KCNN2: variants seen among roughly 807,000 people sequenced by gnomAD.
KCNN2 encodes the protein potassium calcium-activated channel subfamily N member 2.
Under a neutral mutation model 55.5 loss-of-function variants are expected in KCNN2, and 24 were observed. The observed-to-expected ratio is 0.43, with a 90% CI of 0.31 to 0.61. KCNN2 has a LOEUF of 0.61. KCNN2 is among the 20% of genes least tolerant of loss of function. KCNN2 has a pLI of 0.08. For synonymous variants in KCNN2, 431 were observed against 336.1 expected (o/e 1.28, Z -3.09); for missense variants, 754 against 853.6 (o/e 0.88, Z 1.45).
At chr5:114,085,711 G>A (rs1461792364) in intron 1 of KCNN2, among the ~76,000 whole-genome samples, 1 of 151,972 alleles carries the variant, frequency 6.6e-6, no homozygotes, top group African/African-American at 2.4e-5. Context: ...ATAATTTTGA[G>A]TTATTATTTT....
intron 1 of KCNN2, among the ~76,000 whole-genome samples, chr5:114,099,440 G>A (rs1751331132): frequency 2.0e-5 from 3 of 152,222 alleles, no homozygotes; most frequent in South Asian, 4.1e-4. Context: ...CTACATTGAG[G>A]AAAAGTTAAG....
chr5:114,135,724 C>T lies in KCNN2; in HGVS notation c.-271+79224C>T, dbSNP rs181117715. ...TCGAATGTTAAATACAGAAATTAAA[C>T]AAAAAGAAATCTACTGGAAACAGAG... On this transcript the variant is annotated intron_variant, in intron 1 of 10. Transcript: ENST00000512097. Among the ~76,000 whole-genome samples the T allele has an allele frequency of 1.8e-3, 280 of 152,086 alleles. 3 individuals are homozygous for T. Among genetic ancestry groups the T allele is most frequent in the Middle Eastern group, 0.014 (4 of 294 alleles).
intron 2 of KCNN2, among the ~76,000 whole-genome samples, chr5:114,355,539 C>T (rs1450636941): frequency 6.6e-6 from 1 of 152,158 alleles, no homozygotes; most frequent in East Asian, 1.9e-4. Flanking sequence ...ACTCTTTAAG[C>T]CAACTGTGGG....
At chr5:114,287,956 C>G (rs1380648812) in intron 2 of KCNN2, among the ~76,000 whole-genome samples, 1 of 152,064 alleles carries the variant, frequency 6.6e-6, no homozygotes, top group African/African-American at 2.4e-5. Flanking sequence ...TAATGGTGCA[C>G]AGAGATTAAA....
At chr5:114,126,304 A>G (rs1751929179) in intron 1 of KCNN2, among the ~76,000 whole-genome samples, 1 of 152,124 alleles carries the variant, frequency 6.6e-6, no homozygotes. Flanking sequence ...GGTAATTTAT[A>G]AAGGAAAAAG....
intron 2 of KCNN2, among the ~76,000 whole-genome samples, chr5:114,299,088 ACCCT>A (rs948014865): frequency 2.1e-4 from 14 of 66,218 alleles, no homozygotes; most frequent in Non-Finnish European, 3.4e-4. Context: ...TTTCTCCCCC[ACCCT>A]CCCTCCCTCC....
rs566798294 is a variant in KCNN2, at chr5:114,384,089, C to T, written c.1218+20088C>T. Among the ~76,000 whole-genome samples, 2 of 152,184 alleles carry T rather than the reference C, an allele frequency of 1.3e-5. 1 individual carries two copies. The highest frequency in any genetic ancestry group is 4.2e-4 in the South Asian group (2 of 4,812). On this transcript the variant is annotated intron_variant, in intron 2 of 7. Transcript: ENST00000673685. ...CAAAGGTTCTTTTGTTTTCTTTTTGCAGTAGGGCCTTTACTGTTAGGTGTG... is the reference window on the plus strand; with the variant it reads ...CAAAGGTTCTTTTGTTTTCTTTTTGTAGTAGGGCCTTTACTGTTAGGTGTG...
At chr5:114,143,646 G>C (rs2954354) in intron 1 of KCNN2, among the ~76,000 whole-genome samples, 95,266 of 152,026 alleles carry the variant, frequency 0.63, 30,234 homozygotes, top group Middle Eastern at 0.71. Context: ...TGAAACCTCC[G>C]TGACTGCACG....
intron 1 of KCNN2, among the ~76,000 whole-genome samples, chr5:114,203,753 C>A (rs1336716713): frequency 6.6e-6 from 1 of 152,204 alleles, no homozygotes; most frequent in Non-Finnish European, 1.5e-5. Context: ...GGAGGAAGAG[C>A]ATGGACTCAG....
intron 2 of KCNN2, among the ~76,000 whole-genome samples, chr5:114,231,561 G>A (rs1375081945): frequency 6.6e-6 from 1 of 151,122 alleles, no homozygotes; most frequent in African/African-American, 2.5e-5. Flanking sequence ...TTGATTTTAA[G>A]TGTGTTTACA....
chr5:114,461,325 G>C (rs1158891948), intron 3 of KCNN2, among the ~76,000 whole-genome samples: 1 of 152,146 alleles, frequency 6.6e-6, no homozygotes, highest in Non-Finnish European at 1.5e-5. Flanking sequence ...CTGGGGAGAG[G>C]GGACTTTACA....
intron 2 of KCNN2, among the ~76,000 whole-genome samples, chr5:114,375,952 G>GTA (rs6149186): frequency 0.052 from 5,397 of 104,676 alleles, 265 homozygotes; most frequent in Middle Eastern, 0.061. Flanking sequence ...GACTCACAGT[G>GTA]TATATATATA....
At chr5:114,396,313 C>G (rs2150066409) in intron 2 of KCNN2, among the ~76,000 whole-genome samples, 1 of 151,950 alleles carries the variant, frequency 6.6e-6, no homozygotes, top group African/African-American at 2.4e-5. Flanking sequence ...ACTAGGAAAA[C>G]TAATTAAGAG....
At chr5:114,284,275 T>A (rs1332534973) in intron 2 of KCNN2, among the ~76,000 whole-genome samples, 1 of 152,204 alleles carries the variant, frequency 6.6e-6, no homozygotes, top group African/African-American at 2.4e-5. Flanking sequence ...AAAGGGTTAG[T>A]GCAAATCACC....
chr5:114,069,445 G>A (rs1447638901), intron 1 of KCNN2, among the ~76,000 whole-genome samples: 1 of 152,070 alleles, frequency 6.6e-6, no homozygotes, highest in Non-Finnish European at 1.5e-5. Flanking sequence ...AGTAAATACT[G>A]TTGAAGGCTT....
chr5:114,215,641 G>A (rs940811299), intron 1 of KCNN2, among the ~76,000 whole-genome samples: 15 of 151,986 alleles, frequency 9.9e-5, no homozygotes, highest in African/African-American at 3.6e-4. Context: ...TCTGCACATC[G>A]AAATTTTCAC....
chr5:114,279,457 C>T (rs368173890), intron 2 of KCNN2, among the ~76,000 whole-genome samples: 1 of 152,124 alleles, frequency 6.6e-6, no homozygotes, highest in African/African-American at 2.4e-5. Flanking sequence ...CTGCTCCCCC[C>T]ACCCCACAAC....
intron 1 of KCNN2, among the ~76,000 whole-genome samples, chr5:114,081,359 G>C (rs1235886133): frequency 6.6e-6 from 1 of 151,980 alleles, no homozygotes; most frequent in African/African-American, 2.4e-5. Context: ...GAAAAAAATG[G>C]GAAGACTCAT....
chr5:114,383,915 G>A (rs1460786310), intron 2 of KCNN2, among the ~76,000 whole-genome samples: 1 of 152,226 alleles, frequency 6.6e-6, no homozygotes, highest in Non-Finnish European at 1.5e-5. Context: ...TAACTAATAT[G>A]TATCACAGTA....
Sources: allele counts gnomAD v4.1 joint callset (sites outside exome capture counted in the v4.1 genomes callset), GRCh38; gene constraint gnomAD v4.1.1; transcripts MANE v1.5; gene names NCBI Gene and HGNC (gene_info 2026-07-23, HGNC 2026-07-21).